Variants in TENM4 observed in about 807,000 individuals in gnomAD.
TENM4 encodes teneurin-4.
In TENM4, 82 loss-of-function variants were observed where a neutral mutation model predicts 243.3. The observed-to-expected ratio is 0.34, with a 90% CI of 0.28 to 0.40. The LOEUF (loss-of-function observed/expected upper bound fraction) is 0.40, where lower values mean the gene tolerates loss of function less well. TENM4 is among the 10% of genes least tolerant of loss of function. The probability of loss-of-function intolerance (pLI) is 1.00; values close to 1 mark genes in which losing one functional copy is unlikely to be tolerated. For missense variants in TENM4, 3,138 were observed against 3,673.3 expected (o/e 0.85, Z 3.77); for synonymous variants, 1,412 against 1,456.3 (o/e 0.97, Z 0.69).
intron 6 of TENM4, among the ~76,000 whole-genome samples, chr11:78,985,414 T>C (rs572744580): frequency 2.6e-5 from 4 of 152,252 alleles, no homozygotes; most frequent in Non-Finnish European, 4.4e-5. Flanking sequence ...TAATGTGTGC[T>C]TCTCCACAAC....
At chr11:79,380,308 G>A (rs1391566731) in intron 1 of TENM4, among the ~76,000 whole-genome samples, 4 of 151,146 alleles carry the variant, frequency 2.6e-5, no homozygotes, top group African/African-American at 9.7e-5. Flanking sequence ...AGACAGTGTA[G>A]GGAAAAAAAA....
intron 19 of TENM4, among the ~76,000 whole-genome samples, chr11:78,753,711 A>C (rs575771701): frequency 3.1e-4 from 47 of 151,874 alleles, no homozygotes; most frequent in Non-Finnish European, 4.7e-4. Context: ...TTTTTACAGT[A>C]ACTTTTTTTT....
intron 6 of TENM4, among the ~76,000 whole-genome samples, chr11:78,945,475 G>A (rs1461435802): frequency 2.6e-5 from 4 of 152,088 alleles, no homozygotes; most frequent in African/African-American, 4.8e-5. Context: ...CTCTCCTCCG[G>A]CCTTTCTATT....
intron 1 of TENM4, among the ~76,000 whole-genome samples, chr11:79,405,479 T>TA (rs61042277): frequency 0.16 from 20,717 of 132,590 alleles, 1,867 homozygotes; most frequent in African/African-American, 0.28. Flanking sequence ...GCTTAGAATG[T>TA]AAAAAAAAAA....
chr11:79,143,322 T>G (rs1862328897), intron 4 of TENM4, among the ~76,000 whole-genome samples: 3 of 152,116 alleles, frequency 2.0e-5, no homozygotes. Context: ...GTGGCACATA[T>G]ACACCATGGA....
At chr11:78,710,486 G>T (rs1565343842) in intron 26 of TENM4, among the ~76,000 whole-genome samples, 1 of 152,186 alleles carries the variant, frequency 6.6e-6, no homozygotes, top group Non-Finnish European at 1.5e-5. Context: ...CCTCAAGGCT[G>T]GGAAGCCTTT....
chr11:78,946,568 G>A lies in TENM4; in HGVS notation c.494-43045C>T, dbSNP rs1857005740. 2.0e-5 allele frequency among the ~76,000 whole-genome samples: 3 copies of A among 152,280 alleles called. No individual in the cohort carries two copies. The South Asian group carries it at 6.2e-4, about 32-fold the overall frequency. On this transcript the variant is annotated intron_variant, in intron 6 of 33. Coordinates refer to ENST00000278550, the MANE Select transcript of TENM4 (RefSeq NM_001098816.3). ...GTAATTTTGACTTTCAAATCGTATT[G>A]TTTAAGAAACACATTTTATAAGACT...
intron 1 of TENM4, among the ~76,000 whole-genome samples, chr11:79,314,417 T>C (rs905511352): frequency 3.9e-5 from 6 of 152,230 alleles, no homozygotes; most frequent in African/African-American, 1.4e-4. Flanking sequence ...TGAGTTTACC[T>C]GTGGTGTTGA....
intron 1 of TENM4, among the ~76,000 whole-genome samples, chr11:79,313,861 G>T (rs769641074): frequency 6.6e-6 from 1 of 152,122 alleles, no homozygotes; most frequent in Non-Finnish European, 1.5e-5. Flanking sequence ...GGGAGTAAAG[G>T]CAGGGCCATT....
At chr11:79,275,707 C>A (rs569039735) in intron 2 of TENM4, among the ~76,000 whole-genome samples, 1 of 152,372 alleles carries the variant, frequency 6.6e-6, no homozygotes, top group East Asian at 1.9e-4. Context: ...CCACTGCAGA[C>A]TTGTTCAAGT....
chr11:79,378,884 TAA>T (rs34204961), intron 1 of TENM4, among the ~76,000 whole-genome samples: 128 of 116,834 alleles, frequency 1.1e-3, no homozygotes, highest in Middle Eastern at 4.2e-3. Flanking sequence ...CCCTGTCTGT[TAA>T]AAAAAAAAAA....
chr11:79,355,777 G>A (rs1857487168), intron 1 of TENM4, among the ~76,000 whole-genome samples: 1 of 152,176 alleles, frequency 6.6e-6, no homozygotes, highest in African/African-American at 2.4e-5. Context: ...AGAAAAGTAA[G>A]TACCTCAGCC....
At chr11:78,826,000 GTC>G (rs1185048329) in intron 12 of TENM4, among the ~76,000 whole-genome samples, 1 of 150,028 alleles carries the variant, frequency 6.7e-6, no homozygotes, top group African/African-American at 2.4e-5. Flanking sequence ...CTGCTAATTA[GTC>G]TCCAATCATT....
Position 79,438,409 on chromosome 11 carries a change from G to A in TENM4, c.-321+2100C>T, listed in dbSNP as rs1056441394. ...TGCAGAGGCGAGAGGCGAAGGAACG[G>A]AAGCCATACCCGACCCCAGCCCCAT... On this transcript the variant is annotated intron_variant, in intron 1 of 33. Transcript: ENST00000278550. This position sits in a 1 kb window ranked among gnomAD's most constrained non-coding sequence, Gnocchi z 4.1. 1.3e-5 allele frequency among the ~76,000 whole-genome samples: 2 copies of A among 152,206 alleles called. No individual in the cohort carries two copies. The highest frequency in any genetic ancestry group is 4.8e-5 in the African/African-American group (2 of 41,450).
intron 6 of TENM4, among the ~76,000 whole-genome samples, chr11:79,001,846 G>T (rs11237679): frequency 0.021 from 3,271 of 152,228 alleles, 135 homozygotes; most frequent in African/African-American, 0.075. Flanking sequence ...TCCTTTGTCA[G>T]CAAACCATGC....
At chr11:79,238,647 C>G (rs570924096) in intron 2 of TENM4, among the ~76,000 whole-genome samples, 1 of 151,924 alleles carries the variant, frequency 6.6e-6, no homozygotes, top group African/African-American at 2.4e-5. Context: ...ATTGCCAAAC[C>G]TTCATAATAA....
chr11:79,153,294 A>G (rs1004689606), intron 3 of TENM4, among the ~76,000 whole-genome samples: 4 of 152,248 alleles, frequency 2.6e-5, no homozygotes, highest in Non-Finnish European at 5.9e-5. Flanking sequence ...AATGAATATT[A>G]GATGATTCTT....
rs376752101 is a variant in TENM4 at position 79,247,743 on chromosome 11, A to G, written c.-264-31834T>C. ...TCCCAGGACAGTGCTGCTAGTGACTACATGCTCTCCTTCTATACTAGACTT... is the reference window on the plus strand; with the variant it reads ...TCCCAGGACAGTGCTGCTAGTGACTGCATGCTCTCCTTCTATACTAGACTT... On this transcript the variant is annotated intron_variant, in intron 2 of 33. Transcript: ENST00000278550. 9.7e-4 allele frequency among the ~76,000 whole-genome samples: 148 copies of G among 152,366 alleles called. 5 individuals carry two copies. In the South Asian group the frequency reaches 0.022, roughly 22 times the overall value.
rs575185233 is a variant in TENM4 at position 79,376,347 on chromosome 11, T to C, written c.-321+64162A>G. On this transcript the variant is annotated intron_variant, in intron 1 of 33. Coordinates refer to ENST00000278550, the MANE Select transcript of TENM4 (RefSeq NM_001098816.3). Reference sequence around the variant, plus strand: ...TTTGTCTCAGCCTGAAAATGAACGATTGGGCAACCTCAGCATGTAGAAAAC... The same window carrying C: ...TTTGTCTCAGCCTGAAAATGAACGACTGGGCAACCTCAGCATGTAGAAAAC... 4.6e-5 allele frequency among the ~76,000 whole-genome samples: 7 copies of C among 152,314 alleles called. No individual in the cohort carries two copies. In the South Asian group the frequency reaches 6.2e-4, roughly 14 times the overall value.
Sources: gnomAD v4.1 joint callset for allele counts (sites outside exome capture counted in the v4.1 genomes callset) on GRCh38, gnomAD v4.1.1 for gene constraint, Gnocchi (gnomAD v3.1) non-coding constraint, MANE v1.5 for transcripts, NCBI Gene and HGNC (gene_info 2026-07-23, HGNC 2026-07-21) for gene names.